Variants in JMJD1C observed in about 807,000 individuals in gnomAD.
JMJD1C encodes jumonji domain containing 1C, also known as jumonji domain-containing protein 1C.
JMJD1C carries 31 observed loss-of-function variants against 245.3 expected under a neutral mutation model. That is an observed-to-expected ratio of 0.13 (90% CI 0.09 to 0.17). The LOEUF is 0.17. JMJD1C is among the 10% of genes least tolerant of loss of function. JMJD1C has a pLI of 1.00. For synonymous variants in JMJD1C, 1,057 were observed against 1,017.4 expected, an observed-to-expected ratio of 1.04 and a Z score of -0.74; for missense variants, 2,691 against 3,000.2, an observed-to-expected ratio of 0.90 and a Z score of 2.41.
intron 2 of JMJD1C, among the ~76,000 whole-genome samples, chr10:63,367,253 T>C (rs1945924104): frequency 6.6e-6 from 1 of 152,098 alleles, no homozygotes; most frequent in African/African-American, 2.4e-5. Context: ...TTTTGTTTTG[T>C]TGTTGTTTGT....
chr10:63,430,624 G>A (rs1374629801), intron 1 of JMJD1C, among the ~76,000 whole-genome samples: 1 of 152,186 alleles, frequency 6.6e-6, no homozygotes, highest in Non-Finnish European at 1.5e-5. Context: ...CTAACGGATA[G>A]TGAGTTTCTT....
chr10:63,317,619 T>C (rs964968483), intron 2 of JMJD1C, among the ~76,000 whole-genome samples: 4 of 152,192 alleles, frequency 2.6e-5, no homozygotes, highest in Non-Finnish European at 5.9e-5. Context: ...TTCTTGCAAA[T>C]ATGAAAACAT....
At chr10:63,438,782 CCTTCAGGT>C (rs1316071001) in intron 1 of JMJD1C, among the ~76,000 whole-genome samples, 1 of 152,132 alleles carries the variant, frequency 6.6e-6, no homozygotes, top group African/African-American at 2.4e-5. Context: ...TTCCTTGTTT[CCTTCAGGT>C]CTTCACTCAA....
Position 63,449,382 on chromosome 10 carries a change from C to T in JMJD1C, c.168+16113G>A, listed in dbSNP as rs571321048. Among the ~76,000 whole-genome samples, 9 of 152,076 alleles carry T rather than the reference C, an allele frequency of 5.9e-5. No homozygotes were observed. The South Asian group carries it at 1.9e-3, about 32-fold the overall frequency. ...TTGAACAGTTTATTAAAACTTTAGG[C>T]AAGATTTAAGAAGCTAGTAACATTA... On this transcript the variant is annotated intron_variant, in intron 1 of 25. Transcript: ENST00000399262.
chr10:63,304,297 C>T (rs991905693), intron 2 of JMJD1C, among the ~76,000 whole-genome samples: 6 of 152,036 alleles, frequency 3.9e-5, no homozygotes, highest in South Asian at 4.2e-4. Context: ...TATCAGAACG[C>T]GTTGGTAACA....
chr10:63,191,139 T>C (rs780382913), intron 16 of JMJD1C, 31 bp from the exon 17 acceptor site: 8 of 1,575,808 alleles, frequency 5.1e-6, no homozygotes, highest in South Asian at 2.2e-5. Flanking sequence ...GATTTTGTTT[T>C]GTTTTGTTTT....
At chr10:63,265,730 T>A (rs1286047527) in intron 2 of JMJD1C, among the ~76,000 whole-genome samples, 1 of 152,176 alleles carries the variant, frequency 6.6e-6, no homozygotes, top group Non-Finnish European at 1.5e-5. Context: ...AAAACAGAAT[T>A]AATAATCAAC....
chr10:63,337,461 G>C (rs1461941326), intron 2 of JMJD1C, among the ~76,000 whole-genome samples: 1 of 76,790 alleles, frequency 1.3e-5, no homozygotes, highest in South Asian at 5.3e-4. Context: ...GAAGGCGGGG[G>C]GGGGGGAGGG....
At chr10:63,455,943 G>A (rs1205264865) in intron 1 of JMJD1C, among the ~76,000 whole-genome samples, 1 of 151,982 alleles carries the variant, frequency 6.6e-6, no homozygotes, top group African/African-American at 2.4e-5. Flanking sequence ...CAAATTTAAT[G>A]CAATATTATA....
At chr10:63,228,704 C>G (rs1028600706) in intron 3 of JMJD1C, among the ~76,000 whole-genome samples, 1 of 152,154 alleles carries the variant, frequency 6.6e-6, no homozygotes, top group Non-Finnish European at 1.5e-5. Flanking sequence ...ATCTAACTGA[C>G]TGCAAACTCT....
Position 63,190,899 on chromosome 10 carries a change from C to A in JMJD1C, c.6286G>T (p.Ala2096Ser). The part of the protein sequence containing the change: ...IAFAPVYSMG[A>S]PSSKSGRTMP... The stretch of plus-strand genomic sequence containing the variant: ...AAAAATCTGGCATCACTCACTGGGG[C>A]TCCCATTGAATATACTGGGGCAAAG... Residue 2096 changes from alanine (A) to serine (S), a missense_variant, in exon 17 of 26, where the codon GCC becomes TCC. Transcript: ENST00000399262. 1 of 1,613,058 alleles carries A rather than the reference C, an allele frequency of 6.2e-7. No individual in the cohort carries two copies. The highest frequency in any genetic ancestry group is 2.2e-5 in the East Asian group (1 of 44,872).
At chr10:63,273,029 C>A (rs1400118876) in intron 2 of JMJD1C, among the ~76,000 whole-genome samples, 1 of 152,098 alleles carries the variant, frequency 6.6e-6, no homozygotes, top group East Asian at 1.9e-4. Flanking sequence ...ACTGAAAAAC[C>A]AAACATTCAT....
intron 2 of JMJD1C, among the ~76,000 whole-genome samples, chr10:63,312,640 T>A (rs573366842): frequency 1.3e-5 from 2 of 152,324 alleles, no homozygotes; most frequent in Non-Finnish European, 2.9e-5. Flanking sequence ...AGTGGAAATC[T>A]GAACTAAACA....
chr10:63,429,949 G>C (rs1950651478), intron 1 of JMJD1C, among the ~76,000 whole-genome samples: 1 of 152,120 alleles, frequency 6.6e-6, no homozygotes, highest in Non-Finnish European at 1.5e-5. Flanking sequence ...AGGGAAGTAA[G>C]CTCTTATCTA....
chr10:63,475,593 G>A (rs1953635422), intron 1 of JMJD1C, among the ~76,000 whole-genome samples: 1 of 152,180 alleles, frequency 6.6e-6, no homozygotes, highest in Admixed American at 6.5e-5. Context: ...CTGGGGAGAA[G>A]GAGGATTATC....
intron 2 of JMJD1C, among the ~76,000 whole-genome samples, chr10:63,297,899 GCTC>G (rs1442582617): frequency 1.3e-5 from 2 of 152,202 alleles, no homozygotes; most frequent in Admixed American, 1.3e-4. Flanking sequence ...AGACCTCAGG[GCTC>G]CTCAAGCCAG....
At chr10:63,200,322 C>T (rs142316642) in intron 11 of JMJD1C, among the ~76,000 whole-genome samples, 154 bp downstream of exon 11, 10 of 152,130 alleles carry the variant, frequency 6.6e-5, no homozygotes, top group Middle Eastern at 3.4e-3. Flanking sequence ...AAATTTAGCA[C>T]GAAAACATTT....
At chr10:63,381,766 G>A (rs1161615059) in intron 1 of JMJD1C, among the ~76,000 whole-genome samples, 1 of 152,068 alleles carries the variant, frequency 6.6e-6, no homozygotes, top group Non-Finnish European at 1.5e-5. Context: ...ATACCCCTTA[G>A]TTATGACAGG....
At chr10:63,483,833 T>C (rs1953901120) in intron 1 of JMJD1C, among the ~76,000 whole-genome samples, 1 of 152,224 alleles carries the variant, frequency 6.6e-6, no homozygotes, top group Non-Finnish European at 1.5e-5. Context: ...TTGTCCTTTC[T>C]TCATTAGGAT....
Sources: gnomAD v4.1 joint callset for allele counts (sites outside exome capture counted in the v4.1 genomes callset) on GRCh38, gnomAD v4.1.1 for gene constraint, MANE v1.5 for transcripts, NCBI Gene and HGNC (gene_info 2026-07-23, HGNC 2026-07-21) for gene names.